TDP1: variants seen among roughly 807,000 people sequenced by gnomAD.
TDP1 encodes the protein tyr-DNA phosphodiesterase 1.
A neutral mutation model predicts 81.5 loss-of-function variants in TDP1; 64 were observed. That is an observed-to-expected ratio of 0.79 (90% confidence interval 0.64 to 0.97). The LOEUF (loss-of-function observed/expected upper bound fraction) is 0.97. Among genes scored for constraint, TDP1 ranks in the 50% least tolerant of loss-of-function variants. The pLI is 0.00. For missense variants in TDP1, 723 were observed against 743.8 expected, an observed-to-expected ratio of 0.97 and a Z score of 0.33; for synonymous variants, 256 against 264.3, an observed-to-expected ratio of 0.97 and a Z score of 0.30.
chr14:89,992,280 T>C (rs1896279076), intron 13 of TDP1, among the ~76,000 whole-genome samples: 1 of 152,226 alleles, frequency 6.6e-6, no homozygotes, highest in Admixed American at 6.5e-5. Flanking sequence ...AGCAGCATTT[T>C]AGTTCATTTT....
intron 14 of TDP1, among the ~76,000 whole-genome samples, chr14:90,012,319 C>T (rs1176932889): frequency 1.3e-5 from 2 of 151,906 alleles, no homozygotes; most frequent in Non-Finnish European, 1.5e-5. Context: ...CTTTTCCAGG[C>T]ACATGGTGCA....
At chr14:90,039,358 T>C (rs1178155824) in intron 16 of TDP1, among the ~76,000 whole-genome samples, 1 of 152,202 alleles carries the variant, frequency 6.6e-6, no homozygotes, top group African/African-American at 2.4e-5. Flanking sequence ...TAATGTAAAA[T>C]GGCATTGGAT....
At chr14:89,983,120 C>T (rs1271278079) in intron 8 of TDP1, 2 of 456,034 alleles carry the variant, frequency 4.4e-6, no homozygotes, top group South Asian at 1.5e-5. Context: ...CCAGAACTCA[C>T]CTGTGAGTGA....
At chr14:90,023,102 A>C in intron 15 of TDP1, 1 of 759,828 alleles carries the variant, frequency 1.3e-6, no homozygotes, top group Non-Finnish European at 2.4e-6. Context: ...AGCTGAGGAA[A>C]CAGACACTGG....
At chr14:89,978,434 CAT>C (rs1449692316) in intron 7 of TDP1, among the ~76,000 whole-genome samples, 1 of 152,192 alleles carries the variant, frequency 6.6e-6, no homozygotes, top group African/African-American at 2.4e-5. Flanking sequence ...AGGTGCTTGC[CAT>C]ATGTTAGTTC....
intron 10 of TDP1, 152 bp from the exon 11 acceptor site, chr14:89,988,753 G>A (rs1389241622): frequency 4.7e-6 from 7 of 1,489,768 alleles, no homozygotes; most frequent in Admixed American, 2.4e-5. Context: ...CAAAGAAGAA[G>A]TATGTATGTG....
chr14:90,038,194 A>T lies in TDP1; in HGVS notation c.1754-4876A>T, dbSNP rs34885681. On this transcript the variant is annotated intron_variant, in intron 16 of 16. Transcript: ENST00000335725. ...CAAGTATAATTTCAAAATTTTTTTTAAAATTTAAGTGGCTGAAACTAAACT... is the reference window on the plus strand; with the variant it reads ...CAAGTATAATTTCAAAATTTTTTTTTAAATTTAAGTGGCTGAAACTAAACT... 1.7e-3 allele frequency among the ~76,000 whole-genome samples: 258 copies of T among 152,346 alleles called. 1 individual carries two copies. Among genetic ancestry groups the T allele is most frequent in the African/African-American group, 5.5e-3 (230 of 41,588 alleles).
In TDP1 at chr14:90,002,583, A is replaced by G. The variant is rs59005397; in HGVS notation, c.1541+9100A>G. Among the ~76,000 whole-genome samples, 581 of 152,122 alleles carry G rather than the reference A, an allele frequency of 3.8e-3. 2 individuals carry two copies. The highest frequency in any genetic ancestry group is 0.014 in the African/African-American group (562 of 41,518). On this transcript the variant is annotated intron_variant, in intron 14 of 16. Transcript: ENST00000335725. The stretch of plus-strand genomic sequence containing the variant: ...TATAAAATATATGACCTTAAGACGT[A>G]TTCAAGCTAGGTGCAGTGGCTCACA...
At chr14:89,989,214 G>A in intron 11 of TDP1, 124 bp downstream of exon 11, 1 of 1,328,884 alleles carries the variant, frequency 7.5e-7, no homozygotes, top group Non-Finnish European at 1.0e-6. Context: ...TTTTTGGCGT[G>A]GCGGGGGCGG....
intron 14 of TDP1, 70 bp from the exon 15 acceptor site, chr14:90,019,246 A>C: frequency 2.3e-6 from 3 of 1,312,106 alleles, no homozygotes; most frequent in Non-Finnish European, 3.3e-6. Context: ...GTGCTCTTGC[A>C]GCTGTGGAAG....
rs1555387533 is a variant in TDP1 at position 89,984,601 on chromosome 14, A to T, written c.970A>T (p.Ile324Phe). 1 of 1,611,954 alleles carries T rather than the reference A, an allele frequency of 6.2e-7. No homozygotes were observed. The highest frequency in any genetic ancestry group is 8.5e-7 in the Non-Finnish European group (1 of 1,178,024). Residue 324 changes from isoleucine (I) to phenylalanine (F), a missense_variant, in exon 9 of 17, where the codon ATC (isoleucine) becomes TTC (phenylalanine). Ile to Phe is a conservative substitution (Grantham distance 21, BLOSUM62 0). Transcript: ENST00000335725. Reference protein sequence around the residue: ...ESPTHFKADLISYLMAYNAPS... With the variant: ...ESPTHFKADLFSYLMAYNAPS... ...GCCAACACATTTTAAAGCTGATCTC[A>T]TCAGTTACTTGATGGCTTATAATGC...
rs182917651 is a variant in TDP1 at position 90,023,693 on chromosome 14, T to G, written c.1644+4275T>G. On this transcript the variant is annotated intron_variant, in intron 15 of 16. Coordinates refer to ENST00000335725, the MANE Select transcript of TDP1 (RefSeq NM_018319.4). The stretch of plus-strand genomic sequence containing the variant: ...TCACCTCACTCTCTTGGCACGTCTT[T>G]TCTTTTTTTTTCCTTTGAGACAGGC... Among the ~76,000 whole-genome samples, 779 of 152,276 alleles carry G rather than the reference T, an allele frequency of 5.1e-3. 4 individuals are homozygous for G. Among genetic ancestry groups the G allele is most frequent in the Non-Finnish European group, 8.4e-3 (570 of 68,024 alleles).
At chr14:90,015,209 G>A (rs1448301031) in intron 14 of TDP1, among the ~76,000 whole-genome samples, 1 of 152,150 alleles carries the variant, frequency 6.6e-6, no homozygotes, top group East Asian at 1.9e-4. Flanking sequence ...GACATAAACT[G>A]CTCCTGATTC....
At chr14:89,974,676 T>A (rs1280321075) in intron 6 of TDP1, among the ~76,000 whole-genome samples, 1 of 152,226 alleles carries the variant, frequency 6.6e-6, no homozygotes, top group Non-Finnish European at 1.5e-5. Flanking sequence ...TTTACATATG[T>A]GATCTCGTTC....
chr14:90,042,010 C>T lies in TDP1; in HGVS notation c.1754-1060C>T, dbSNP rs149265387. On this transcript the variant is annotated intron_variant, in intron 16 of 16. Coordinates refer to ENST00000335725, the MANE Select transcript of TDP1 (RefSeq NM_018319.4). ...ATAGAGGAGGAACTTGATGCCATAA[C>T]CCACATGCCTTCCCTAGGGTATTAA... is the stretch of plus-strand genomic sequence containing the variant. 3.3e-5 allele frequency among the ~76,000 whole-genome samples: 5 copies of T among 152,270 alleles called. No individual in the cohort carries two copies. The East Asian group carries it at 9.7e-4, about 29-fold the overall frequency.
chr14:90,001,522 A>T (rs1897185870), intron 14 of TDP1, among the ~76,000 whole-genome samples: 1 of 152,216 alleles, frequency 6.6e-6, no homozygotes, highest in Non-Finnish European at 1.5e-5. Flanking sequence ...CAGAATACTC[A>T]TTGTGATCTT....
chr14:89,993,882 T>A (rs1463404849), intron 14 of TDP1, among the ~76,000 whole-genome samples: 1 of 152,226 alleles, frequency 6.6e-6, no homozygotes, highest in Non-Finnish European at 1.5e-5. Flanking sequence ...TGTGTCCTTT[T>A]CTAAAACATC....
upstream of TDP1, chr14:89,955,109 CAAG>C (rs147339732): frequency 0.034 from 5,431 of 160,762 alleles, 345 homozygotes; most frequent in African/African-American, 0.12. Context: ...TGTGAACAAA[CAAG>C]AAGAACCAAA....
chr14:90,029,923 A>G (rs1887091367), intron 15 of TDP1, among the ~76,000 whole-genome samples: 1 of 152,162 alleles, frequency 6.6e-6, no homozygotes, highest in African/African-American at 2.4e-5. Flanking sequence ...AATTATACTC[A>G]TTTGTTTCCT....
Sources: allele counts gnomAD v4.1 joint callset (sites outside exome capture counted in the v4.1 genomes callset), GRCh38; gene constraint gnomAD v4.1.1; transcripts MANE v1.5; gene names NCBI Gene and HGNC (gene_info 2026-07-23, HGNC 2026-07-21).